ATP9B: variants seen among roughly 807,000 people sequenced by gnomAD.
The protein encoded by ATP9B is ATPase phospholipid transporting 9B, also known as probable phospholipid-transporting ATPase IIB.
ATP9B carries 110 observed loss-of-function variants against 146.1 expected under a neutral mutation model. The ratio of observed to expected loss-of-function variants is 0.75; its 90% CI spans 0.65 to 0.88. The LOEUF is 0.88. Ranked by LOEUF, ATP9B falls within the 40% of genes least tolerant of loss-of-function variation. The pLI is 0.00. For synonymous variants in ATP9B, 604 were observed against 569.7 expected (o/e 1.06, Z -0.86); for missense variants, 1,499 against 1,496.4 (o/e 1.00, Z -0.03).
In ATP9B at chr18:79,178,271, G is replaced by A. The variant is rs568599047; in HGVS notation, c.873+1364G>A. On this transcript the variant is annotated intron_variant, in intron 8 of 29. Coordinates refer to ENST00000426216, the MANE Select transcript of ATP9B (RefSeq NM_198531.5). Reference sequence around the variant, plus strand: ...CTCACCAGCACCGGATGAGTGACCCGGTTTCTCTGTGTCCTTGCCGCCTTC... The same window carrying A: ...CTCACCAGCACCGGATGAGTGACCCAGTTTCTCTGTGTCCTTGCCGCCTTC... Among the ~76,000 whole-genome samples the A allele has an allele frequency of 1.2e-4, 18 of 152,220 alleles. No individual in the cohort carries two copies. The South Asian group carries it at 2.7e-3, about 23-fold the overall frequency.
chr18:79,329,991 T>C, intron 16 of ATP9B, 21 bp from the exon 17 acceptor site: 1 of 1,612,096 alleles, frequency 6.2e-7, no homozygotes, highest in Non-Finnish European at 8.5e-7. Flanking sequence ...TGTGCCTCTG[T>C]TTATTTTTGT....
chr18:79,231,960 A>C (rs1234569534), intron 11 of ATP9B, among the ~76,000 whole-genome samples: 2 of 152,098 alleles, frequency 1.3e-5, no homozygotes, highest in African/African-American at 2.4e-5. Context: ...GAGCTAAGCT[A>C]TGAATATGCA....
At chr18:79,278,350 C>A (rs1224048008) in intron 13 of ATP9B, among the ~76,000 whole-genome samples, 2 of 152,168 alleles carry the variant, frequency 1.3e-5, no homozygotes, top group African/African-American at 4.8e-5. Context: ...GACTGTACTT[C>A]CACTATCCGT....
At chr18:79,220,118 G>A (rs546765187) in intron 11 of ATP9B, among the ~76,000 whole-genome samples, 15 of 152,174 alleles carry the variant, frequency 9.9e-5, no homozygotes, top group Non-Finnish European at 1.5e-4. Flanking sequence ...ACAGCCGGTC[G>A]TGATGGTGGA....
chr18:79,365,250 G>A lies in ATP9B; in HGVS notation c.3012+5788G>A, dbSNP rs1256399286. The stretch of plus-strand genomic sequence containing the variant: ...TAATCCACAGATGGCAAGGAAGCCT[G>A]TGAAGATGCTCAGTGCCATTTTCAT... On this transcript the variant is annotated intron_variant, in intron 26 of 29. Transcript: ENST00000426216. Among the ~76,000 whole-genome samples, 3 of 152,162 alleles carry A rather than the reference G, an allele frequency of 2.0e-5. No homozygotes were observed. The East Asian group carries it at 5.8e-4, about 29-fold the overall frequency.
At chr18:79,290,272 G>T (rs2096488796) in intron 13 of ATP9B, among the ~76,000 whole-genome samples, 1 of 152,358 alleles carries the variant, frequency 6.6e-6, no homozygotes, top group Admixed American at 6.5e-5. Context: ...GCTCCACCCA[G>T]TTGGAGCTTC....
intron 14 of ATP9B, among the ~76,000 whole-genome samples, chr18:79,306,756 A>G (rs1002939159): frequency 8.5e-5 from 13 of 152,242 alleles, no homozygotes; most frequent in Non-Finnish European, 1.3e-4. Context: ...TAAGTAGTAT[A>G]GTGAATATTT....
chr18:79,329,947 T>C (rs2096781281), intron 16 of ATP9B, 65 bp from the exon 17 acceptor site: 2 of 1,383,580 alleles, frequency 1.4e-6, no homozygotes, highest in African/African-American at 2.8e-5. Context: ...TTTATTAGAC[T>C]AGCAGTTATT....
chr18:79,273,304 T>C (rs1470204863), intron 12 of ATP9B, among the ~76,000 whole-genome samples: 1 of 152,178 alleles, frequency 6.6e-6, no homozygotes, highest in East Asian at 1.9e-4. Context: ...GTCTCCACCA[T>C]GGATCACACT....
intron 25 of ATP9B, among the ~76,000 whole-genome samples, chr18:79,350,771 CTTTT>C (rs34086629): frequency 2.1e-5 from 3 of 140,816 alleles, no homozygotes; most frequent in Admixed American, 7.1e-5. Flanking sequence ...ACATTAGTTG[CTTTT>C]TTTTTTTTTT....
intron 25 of ATP9B, among the ~76,000 whole-genome samples, chr18:79,349,596 A>C (rs547650137): frequency 3.6e-4 from 55 of 152,318 alleles, no homozygotes; most frequent in African/African-American, 9.9e-4. Context: ...GAATCCCAGG[A>C]GTTCCTCACA....
chr18:79,324,769 A>G (rs1276277629), intron 15 of ATP9B, among the ~76,000 whole-genome samples: 1 of 152,264 alleles, frequency 6.6e-6, no homozygotes, highest in African/African-American at 2.4e-5. Context: ...GTAATTCTAT[A>G]CCATTAAGTC....
intron 9 of ATP9B, among the ~76,000 whole-genome samples, chr18:79,201,361 T>G (rs2095485978): frequency 1.3e-5 from 2 of 152,226 alleles, no homozygotes. Flanking sequence ...TGGGCATTGT[T>G]AAGGAGTGGT....
intron 5 of ATP9B, among the ~76,000 whole-genome samples, chr18:79,142,933 C>G (rs1017528514): frequency 2.6e-5 from 4 of 152,072 alleles, no homozygotes; most frequent in Non-Finnish European, 5.9e-5. Context: ...TCAACATAAA[C>G]TGAATGTAAA....
Position 79,071,392 on chromosome 18 carries a change from GT to G in ATP9B, c.119+1865del, listed in dbSNP as rs1473973992. ...TACGCATATTTCCCCTTTTTCTATT[GT>G]TCTTCCTTTTTTTTTTTTTTGAGAC... is the stretch of plus-strand genomic sequence containing the variant. On this transcript the variant is annotated intron_variant, in intron 1 of 29. Coordinates refer to ENST00000426216, the MANE Select transcript of ATP9B (RefSeq NM_198531.5). Among the ~76,000 whole-genome samples the G allele has an allele frequency of 4.3e-4, 7 of 16,252 alleles. No homozygotes were observed. In the East Asian group the frequency reaches 0.011, roughly 24 times the overall value. The allele number at this position is 16,252 out of a possible 152,430, so 10.7% of individuals were successfully genotyped here.
chr18:79,290,827 T>G (rs2096496142), intron 13 of ATP9B, among the ~76,000 whole-genome samples: 1 of 152,280 alleles, frequency 6.6e-6, no homozygotes, highest in Admixed American at 6.5e-5. Flanking sequence ...ATTATGTATG[T>G]GTCTTACTTT....
At chr18:79,075,972 A>G (rs2072564751) in intron 1 of ATP9B, among the ~76,000 whole-genome samples, 1 of 152,326 alleles carries the variant, frequency 6.6e-6, no homozygotes, top group African/African-American at 2.4e-5. Context: ...ATTACATTAC[A>G]TATACATAAC....
chr18:79,166,774 C>G (rs956918745), intron 7 of ATP9B, among the ~76,000 whole-genome samples: 1 of 152,178 alleles, frequency 6.6e-6, no homozygotes, highest in Non-Finnish European at 1.5e-5. Context: ...GAGCCTTTGT[C>G]CAAGTTTTGC....
At chr18:79,070,849 T>A (rs1167069797) in intron 1 of ATP9B, among the ~76,000 whole-genome samples, 1 of 152,152 alleles carries the variant, frequency 6.6e-6, no homozygotes, top group Non-Finnish European at 1.5e-5. Flanking sequence ...GTTTGCATGG[T>A]ATTAGCTTTC....
Sources: allele counts gnomAD v4.1 joint callset (sites outside exome capture counted in the v4.1 genomes callset), GRCh38; gene constraint gnomAD v4.1.1; transcripts MANE v1.5; gene names NCBI Gene and HGNC (gene_info 2026-07-23, HGNC 2026-07-21).